The following BID variants were observed in gnomAD, a reference collection of about 807,000 sequenced individuals.
The protein encoded by BID is BH3 interacting domain death agonist, also known as BH3-interacting domain death agonist.
A neutral mutation model predicts 17.4 loss-of-function variants in BID; 19 were observed. That is an observed-to-expected ratio of 1.09 (90% CI 0.76 to 1.60). The LOEUF (loss-of-function observed/expected upper bound fraction) is 1.60, where lower values mean the gene tolerates loss of function less well. BID is among the 40% of genes most tolerant of loss of function. The pLI is 0.00. For missense variants in BID, 226 were observed against 256.0 expected, an observed-to-expected ratio of 0.88 and a Z score of 0.80; for synonymous variants, 108 against 102.8, an observed-to-expected ratio of 1.05 and a Z score of -0.31.
At chr22:17,755,377 T>A (rs2061574798) in intron 1 of BID, among the ~76,000 whole-genome samples, 1 of 152,182 alleles carries the variant, frequency 6.6e-6, no homozygotes, top group Non-Finnish European at 1.5e-5. Context: ...CCTAGATTGG[T>A]GACCCAGAGA....
At chr22:17,757,628 G>A (rs1406815233) in intron 1 of BID, among the ~76,000 whole-genome samples, 69 of 149,604 alleles carry the variant, frequency 4.6e-4, no homozygotes, top group African/African-American at 1.6e-3. Context: ...AGAATGGAGT[G>A]AACCCGGGAG....
chr22:17,773,134 C>G lies in BID; in HGVS notation c.-59+1247G>C, dbSNP rs1205424234. Among the ~76,000 whole-genome samples the G allele has an allele frequency of 6.6e-6, 1 of 152,162 alleles. No homozygotes were observed. The highest frequency in any genetic ancestry group is 1.5e-5 in the Non-Finnish European group (1 of 68,020). On this transcript the variant is annotated intron_variant, in intron 1 of 5. Transcript: ENST00000622694. The surrounding 1 kb of genome is among the most constrained non-coding windows in gnomAD (Gnocchi z 4.4). Reference sequence around the variant, plus strand: ...TGACCCCGCATTTCCTCTTCCCTCCCTGGGCAAGAGGGGCAGAAGGGGCAG... The same window carrying G: ...TGACCCCGCATTTCCTCTTCCCTCCGTGGGCAAGAGGGGCAGAAGGGGCAG...
At chr22:17,757,907 A>G (rs1490695700) in intron 1 of BID, among the ~76,000 whole-genome samples, 1 of 152,078 alleles carries the variant, frequency 6.6e-6, no homozygotes. Flanking sequence ...ACGTGCACCT[A>G]TGGGTTCTCT....
intron 5 of BID, among the ~76,000 whole-genome samples, 173 bp downstream of exon 5, chr22:17,737,844 C>CACCTGG (rs2061430680): frequency 6.6e-6 from 1 of 152,228 alleles, no homozygotes; most frequent in African/African-American, 2.4e-5. Flanking sequence ...GGGTGCTCTT[C>CACCTGG]GTCACCTTTA....
Position 17,773,891 on chromosome 22 carries a change from C to G in BID, c.-59+490G>C. 1.6e-6 allele frequency: 1 copy of G among 608,774 alleles called. No individual in the cohort carries two copies. The highest frequency in any genetic ancestry group is 2.9e-6 in the Non-Finnish European group (1 of 342,844). The allele number at this position is 608,774 out of a possible 1,614,324, so 37.7% of individuals were successfully genotyped here. ...AGCGGCCGCTCTGACCGCGCTTTGT[C>G]AGCCCTGAGCTCCGCTCGGGAGGAG... On this transcript the variant is annotated intron_variant, in intron 1 of 5. Transcript: ENST00000622694. The surrounding 1 kb of genome is among the most constrained non-coding windows in gnomAD (Gnocchi z 4.4).
At chr22:17,774,075 T>G in intron 1 of BID, 4 of 297,710 alleles carry the variant, frequency 1.3e-5, no homozygotes, top group Non-Finnish European at 2.6e-5. Context: ...CTCCCCTGAA[T>G]CCCCAGGCCA....
At chr22:17,739,291 G>T in intron 4 of BID, 58 bp downstream of exon 4, 1 of 1,482,858 alleles carries the variant, frequency 6.7e-7, no homozygotes, top group Non-Finnish European at 9.0e-7. Context: ...GTGAGAGGCA[G>T]GGGACAGGCC....
chr22:17,741,453 C>G (rs8190327), intron 3 of BID, among the ~76,000 whole-genome samples: 7,105 of 151,926 alleles, frequency 0.047, 586 homozygotes, highest in African/African-American at 0.16. Context: ...TAGGCAAACT[C>G]AACTACTCAC....
intron 1 of BID, among the ~76,000 whole-genome samples, chr22:17,758,396 C>G (rs1363824601): frequency 6.6e-6 from 1 of 152,208 alleles, no homozygotes; most frequent in Admixed American, 6.5e-5. Flanking sequence ...GCACAGACGC[C>G]AGTCCCTCAA....
chr22:17,740,052 A>T (rs1419658316), intron 3 of BID: 1 of 1,603,974 alleles, frequency 6.2e-7, no homozygotes, highest in Non-Finnish European at 8.5e-7. Flanking sequence ...CCTCTGGCGC[A>T]CAGCCTCCGT....
rs1161002414 is a variant in BID, at chr22:17,756,379, C to T, written c.-58-6205G>A. 9.2e-5 allele frequency among the ~76,000 whole-genome samples: 12 copies of T among 131,096 alleles called. No homozygotes were observed. In the East Asian group the frequency reaches 2.0e-3, roughly 22 times the overall value. 86.0% of individuals were successfully genotyped at this position (131,096 alleles called of 152,430 possible). On this transcript the variant is annotated intron_variant, in intron 1 of 5. Transcript: ENST00000622694. ...CACTGGGCAAAGTTCAGTCGCATTT[C>T]TTTCTGTTCTCTTTCTTTCTTTTCT...
intron 1 of BID, among the ~76,000 whole-genome samples, chr22:17,762,318 G>C (rs1397285066): frequency 6.6e-6 from 1 of 152,138 alleles, no homozygotes; most frequent in African/African-American, 2.4e-5. Context: ...CCAATATGGT[G>C]AAATCCCGTC....
At chr22:17,735,793 T>G (rs1488716031) in intron 5 of BID, among the ~76,000 whole-genome samples, 1 of 151,974 alleles carries the variant, frequency 6.6e-6, no homozygotes, top group Non-Finnish European at 1.5e-5. Context: ...GAGGTGGGTA[T>G]TCACATCTCC....
chr22:17,774,038 C>T (rs2061741262), intron 1 of BID: 3 of 375,814 alleles, frequency 8.0e-6, no homozygotes, highest in South Asian at 2.7e-5. Flanking sequence ...TGGCCTCGGC[C>T]CCTCCCCCTC....
chr22:17,739,619 C>G, intron 3 of BID, 131 bp from the exon 4 acceptor site: 1 of 1,219,260 alleles, frequency 8.2e-7, no homozygotes, highest in South Asian at 1.4e-5. Context: ...TGGGCACGTG[C>G]TCCACTCCAC....
intron 1 of BID, among the ~76,000 whole-genome samples, chr22:17,757,169 C>A (rs943781269): frequency 6.6e-6 from 1 of 151,962 alleles, no homozygotes; most frequent in Non-Finnish European, 1.5e-5. Context: ...AATCCCAGCA[C>A]TTTGGGAGGC....
At position 17,743,900 on chromosome 22, in the gene BID, G is replaced by C. The variant is rs150608132; in HGVS notation, c.126C>G (p.His42Gln). ...ACTGGGGAGCCAGCACTGGCAGCTC[G>C]TGGCCCAGTGCGTCCAGCTCTCTGC... is the stretch of plus-strand genomic sequence containing the variant. ...SFRRELDALGHELPVLAPQWE... is the reference protein window; with the variant it reads ...SFRRELDALGQELPVLAPQWE... Residue 42 changes from histidine to glutamine, a missense_variant, in exon 3 of 6, where the codon CAC becomes CAG. Transcript: ENST00000622694. 1.2e-6 allele frequency: 2 copies of C among 1,613,650 alleles called. No homozygotes were observed. Among genetic ancestry groups the C allele is most frequent in the Non-Finnish European group, 1.7e-6 (2 of 1,179,996 alleles).
At chr22:17,755,537 T>G (rs2061575930) in intron 1 of BID, among the ~76,000 whole-genome samples, 1 of 152,108 alleles carries the variant, frequency 6.6e-6, no homozygotes, top group Non-Finnish European at 1.5e-5. Context: ...GCGTGGTGGC[T>G]CATGCCTGTA....
intron 5 of BID, among the ~76,000 whole-genome samples, chr22:17,737,296 G>A (rs1416877532): frequency 6.6e-6 from 1 of 152,050 alleles, no homozygotes; most frequent in Non-Finnish European, 1.5e-5. Flanking sequence ...GATGTGCTCT[G>A]GAAAAGATTT....
Sources: gnomAD v4.1 joint callset for allele counts (sites outside exome capture counted in the v4.1 genomes callset) on GRCh38, gnomAD v4.1.1 for gene constraint, Gnocchi (gnomAD v3.1) non-coding constraint, MANE v1.5 for transcripts, NCBI Gene and HGNC (gene_info 2026-07-23, HGNC 2026-07-21) for gene names.